Variants in AHI1 observed in about 807,000 individuals in gnomAD.
The protein encoded by AHI1 is jouberin.
Under a neutral mutation model 149.3 loss-of-function variants are expected in AHI1, and 123 were observed. The observed-to-expected ratio is 0.82, with a 90% CI of 0.71 to 0.96. The LOEUF (loss-of-function observed/expected upper bound fraction) is 0.96, where lower values mean the gene tolerates loss of function less well. Among genes scored for constraint, AHI1 ranks in the 40% least tolerant of loss-of-function variants. The probability of loss-of-function intolerance (pLI) is 0.00; values close to 1 mark genes in which losing one functional copy is unlikely to be tolerated. For missense variants in AHI1, 1,439 were observed against 1,422.7 expected, an observed-to-expected ratio of 1.01 and a Z score of -0.18; for synonymous variants, 475 against 459.8, an observed-to-expected ratio of 1.03 and a Z score of -0.42.
At chr6:135,446,733 C>T (rs1787291644) in intron 13 of AHI1, among the ~76,000 whole-genome samples, 2 of 152,176 alleles carry the variant, frequency 1.3e-5, no homozygotes, top group South Asian at 2.1e-4. Flanking sequence ...TAAATGTCTG[C>T]TGTTTAAGCC....
At chr6:135,376,566 C>A (rs1487339217) in intron 23 of AHI1, among the ~76,000 whole-genome samples, 1 of 151,936 alleles carries the variant, frequency 6.6e-6, no homozygotes, top group Non-Finnish European at 1.5e-5. Context: ...GAAATACATT[C>A]AAAATGTTGG....
rs192398364 is a variant in AHI1, at chr6:135,460,167, G to A, written c.932-2454C>T. ...CACTGCACTCCAGCCTGAGTGACAGGGCAAGACCCTGTCTCAAAAATAAAT... is the reference window on the plus strand; with the variant it reads ...CACTGCACTCCAGCCTGAGTGACAGAGCAAGACCCTGTCTCAAAAATAAAT... On this transcript the variant is annotated intron_variant, in intron 8 of 28. Coordinates refer to ENST00000265602, the MANE Select transcript of AHI1 (RefSeq NM_001134831.2). Among the ~76,000 whole-genome samples the A allele has an allele frequency of 3.3e-5, 5 of 152,000 alleles. No individual in the cohort carries two copies. The East Asian group carries it at 9.7e-4, about 29-fold the overall frequency.
At chr6:135,463,355 AATT>A (rs1767032193) in intron 7 of AHI1, 49 bp from the exon 8 acceptor site, 1 of 1,415,026 alleles carries the variant, frequency 7.1e-7, no homozygotes, top group Non-Finnish European at 9.5e-7. Flanking sequence ...TTATCATTAT[AATT>A]ATTATTCATG....
chr6:135,331,656 A>G (rs1285159493), intron 24 of AHI1, among the ~76,000 whole-genome samples: 1 of 152,236 alleles, frequency 6.6e-6, no homozygotes, highest in Non-Finnish European at 1.5e-5. Flanking sequence ...TTTATCCACA[A>G]TGCAATCCAA....
intron 8 of AHI1, among the ~76,000 whole-genome samples, chr6:135,462,114 A>G (rs1181790247): frequency 1.3e-5 from 2 of 152,054 alleles, no homozygotes; most frequent in African/African-American, 2.4e-5. Context: ...TTTTCTATAT[A>G]TATCTATATA....
At chr6:135,472,130 C>T (rs1421913876) in intron 5 of AHI1, among the ~76,000 whole-genome samples, 2 of 150,652 alleles carry the variant, frequency 1.3e-5, no homozygotes, top group East Asian at 3.9e-4. Flanking sequence ...AGTCATGTGA[C>T]CACCACCATA....
intron 20 of AHI1, among the ~76,000 whole-genome samples, chr6:135,413,172 T>C (rs2757635): frequency 0.44 from 66,682 of 151,732 alleles, 17,716 homozygotes; most frequent in East Asian, 0.58. Context: ...CTATAAAAAA[T>C]TGAAAAATTA....
At chr6:135,470,214 A>C (rs1400151444) in intron 5 of AHI1, among the ~76,000 whole-genome samples, 2 of 152,258 alleles carry the variant, frequency 1.3e-5, no homozygotes, top group Admixed American at 6.5e-5. Context: ...AACATGATAA[A>C]AAGGTCAACA....
intron 23 of AHI1, among the ~76,000 whole-genome samples, chr6:135,361,825 A>T (rs1427114199): frequency 6.6e-6 from 1 of 151,738 alleles, no homozygotes; most frequent in Non-Finnish European, 1.5e-5. Flanking sequence ...TAAGCTTTTA[A>T]ATTTTATTTT....
intron 7 of AHI1, among the ~76,000 whole-genome samples, 168 bp from the exon 8 acceptor site, chr6:135,463,474 T>A (rs1790253399): frequency 6.6e-6 from 1 of 152,092 alleles, no homozygotes; most frequent in African/African-American, 2.4e-5. Flanking sequence ...TGGTTAAGTG[T>A]CAAATAGGTA....
At chr6:135,402,349 C>A (rs1331166434) in intron 22 of AHI1, among the ~76,000 whole-genome samples, 4 of 152,112 alleles carry the variant, frequency 2.6e-5, no homozygotes, top group Admixed American at 1.3e-4. Flanking sequence ...AATATATATC[C>A]ACACCAAAAC....
At chr6:135,497,336 C>T (rs577501031) in intron 1 of AHI1, 87 bp from the exon 2 acceptor site, 1 of 152,440 alleles carries the variant, frequency 6.6e-6, no homozygotes, top group Non-Finnish European at 1.5e-5. Context: ...AGATTGAATT[C>T]TCTATCAGAG....
intron 5 of AHI1, among the ~76,000 whole-genome samples, chr6:135,487,365 C>A (rs1279628707): frequency 6.6e-6 from 1 of 152,084 alleles, no homozygotes; most frequent in Non-Finnish European, 1.5e-5. Context: ...ATGCTTTGCT[C>A]AATCTTTGAA....
chr6:135,358,029 G>T, intron 24 of AHI1, 103 bp downstream of exon 24: 1 of 975,004 alleles, frequency 1.0e-6, no homozygotes, highest in Non-Finnish European at 1.6e-6. Flanking sequence ...ATAACTTTTG[G>T]CAAAAAGGTT....
chr6:135,469,693 C>T (rs1486009583), intron 5 of AHI1, among the ~76,000 whole-genome samples: 2 of 152,046 alleles, frequency 1.3e-5, no homozygotes, highest in African/African-American at 2.4e-5. Context: ...TTTGACAAAC[C>T]TGACAAAAAC....
chr6:135,381,011 C>A (rs940737717), intron 23 of AHI1, among the ~76,000 whole-genome samples: 1 of 152,076 alleles, frequency 6.6e-6, no homozygotes, highest in Non-Finnish European at 1.5e-5. Flanking sequence ...TTTTTCCCTG[C>A]AGTAGTTCAG....
intron 22 of AHI1, among the ~76,000 whole-genome samples, chr6:135,396,608 C>A (rs1289339236): frequency 1.3e-5 from 2 of 151,600 alleles, no homozygotes; most frequent in Admixed American, 1.3e-4. Flanking sequence ...ATGATGTAGC[C>A]AATTTTTCAG....
At chr6:135,327,695 C>T (rs1038609115) in intron 24 of AHI1, among the ~76,000 whole-genome samples, 1 of 152,110 alleles carries the variant, frequency 6.6e-6, no homozygotes, top group African/African-American at 2.4e-5. Flanking sequence ...CCACCCCCTA[C>T]CTTTCTGACT....
intron 21 of AHI1, among the ~76,000 whole-genome samples, chr6:135,409,179 T>C (rs1203085262): frequency 6.6e-6 from 1 of 152,184 alleles, no homozygotes; most frequent in Non-Finnish European, 1.5e-5. Flanking sequence ...GTTTCTTTAA[T>C]ACATTTTATA....
Sources: gnomAD v4.1 joint callset for allele counts (sites outside exome capture counted in the v4.1 genomes callset) on GRCh38, gnomAD v4.1.1 for gene constraint, MANE v1.5 for transcripts, NCBI Gene and HGNC (gene_info 2026-07-23, HGNC 2026-07-21) for gene names.